The following RAPGEF4 variants were observed in gnomAD, a reference collection of about 807,000 sequenced individuals.
RAPGEF4 encodes the protein RAP guanine-nucleotide-exchange factor (GEF) 4.
Under a neutral mutation model 147.9 loss-of-function variants are expected in RAPGEF4, and 66 were observed. The observed-to-expected ratio is 0.45, with a 90% CI of 0.37 to 0.55. The LOEUF (loss-of-function observed/expected upper bound fraction) is 0.55, where lower values mean the gene tolerates loss of function less well. RAPGEF4 is among the 20% of genes least tolerant of loss of function. The pLI is 0.00. For synonymous variants in RAPGEF4, 419 were observed against 442.7 expected (o/e 0.95, Z 0.67); for missense variants, 1,071 against 1,257.3 (o/e 0.85, Z 2.24).
chr2:172,893,260 A>T (rs904492509), intron 4 of RAPGEF4, among the ~76,000 whole-genome samples: 2 of 152,240 alleles, frequency 1.3e-5, no homozygotes, highest in Non-Finnish European at 2.9e-5. Flanking sequence ...ATTAGATGAG[A>T]GGATGCCTGG....
At chr2:172,907,777 C>A (rs758410218) in intron 4 of RAPGEF4, among the ~76,000 whole-genome samples, 3 of 152,134 alleles carry the variant, frequency 2.0e-5, no homozygotes. Flanking sequence ...ATCAAATATA[C>A]TGGGGTTCAC....
chr2:173,016,900 A>G (rs1485088760), intron 19 of RAPGEF4, among the ~76,000 whole-genome samples: 1 of 152,230 alleles, frequency 6.6e-6, no homozygotes, highest in African/African-American at 2.4e-5. Context: ...GCAGTATCAG[A>G]GAGTGAGTGT....
rs138754058 is a variant in RAPGEF4, at chr2:172,877,418, A to C, written c.445-40384A>C. 9.6e-3 allele frequency among the ~76,000 whole-genome samples: 1,459 copies of C among 152,140 alleles called. 20 individuals are homozygous for C. Among genetic ancestry groups the C allele is most frequent in the African/African-American group, 0.032 (1,342 of 41,480 alleles). ...GCATTAGGAGAAATACCTCATGTAGATGATGGGTTGATGGGTGCAGCAAAC... is the reference window on the plus strand; with the variant it reads ...GCATTAGGAGAAATACCTCATGTAGCTGATGGGTTGATGGGTGCAGCAAAC... On this transcript the variant is annotated intron_variant, in intron 4 of 30. Transcript: ENST00000397081.
At chr2:172,832,871 C>G (rs1267280930) in intron 4 of RAPGEF4, among the ~76,000 whole-genome samples, 1 of 152,200 alleles carries the variant, frequency 6.6e-6, no homozygotes, top group Non-Finnish European at 1.5e-5. Flanking sequence ...AGAATTGGCT[C>G]TTGGTATCCA....
intron 29 of RAPGEF4, among the ~76,000 whole-genome samples, chr2:173,041,212 T>C (rs1684717861): frequency 6.6e-6 from 1 of 152,182 alleles, no homozygotes; most frequent in Non-Finnish European, 1.5e-5. Flanking sequence ...CCAATAATAT[T>C]ATTATAAGAT....
At chr2:172,759,451 G>A (rs566549667) in intron 1 of RAPGEF4, among the ~76,000 whole-genome samples, 3 of 152,238 alleles carry the variant, frequency 2.0e-5, no homozygotes, top group Admixed American at 6.5e-5. Context: ...AAATTAGGGT[G>A]TTATTTCTCC....
chr2:173,009,320 T>C (rs1030355980), intron 17 of RAPGEF4, among the ~76,000 whole-genome samples: 9 of 152,178 alleles, frequency 5.9e-5, no homozygotes, highest in African/African-American at 1.7e-4. Context: ...TTCCAAACAG[T>C]GCAAATAAAT....
intron 4 of RAPGEF4, among the ~76,000 whole-genome samples, chr2:172,857,173 C>T (rs571236029): frequency 3.7e-4 from 43 of 117,460 alleles, no homozygotes; most frequent in African/African-American, 1.1e-3. Context: ...CGTGTGCGCG[C>T]GCACACACAC....
chr2:172,951,093 A>G (rs189322906), intron 6 of RAPGEF4, among the ~76,000 whole-genome samples: 2 of 152,358 alleles, frequency 1.3e-5, no homozygotes, highest in East Asian at 3.9e-4. Context: ...CAAAGCACTG[A>G]TTTTGTGCAT....
chr2:172,872,252 C>T (rs923033217), intron 4 of RAPGEF4, among the ~76,000 whole-genome samples: 1 of 152,118 alleles, frequency 6.6e-6, no homozygotes, highest in African/African-American at 2.4e-5. Context: ...GTTAACAAAA[C>T]TCTTCAGAGG....
chr2:172,775,243 AG>A (rs1684052867), intron 1 of RAPGEF4, among the ~76,000 whole-genome samples: 1 of 152,180 alleles, frequency 6.6e-6, no homozygotes, highest in East Asian at 1.9e-4. Context: ...CCCCGTCTCT[AG>A]GTTTCTTATT....
intron 17 of RAPGEF4, 74 bp from the exon 18 acceptor site, chr2:173,014,390 T>C: frequency 6.3e-7 from 1 of 1,582,092 alleles, no homozygotes; most frequent in Admixed American, 1.7e-5. Context: ...CTGGGATCTG[T>C]CACTCTTTAC....
At chr2:172,790,745 A>C (rs533810164) in intron 1 of RAPGEF4, among the ~76,000 whole-genome samples, 1 of 152,198 alleles carries the variant, frequency 6.6e-6, no homozygotes, top group Non-Finnish European at 1.5e-5. Flanking sequence ...ATGTCTCAAC[A>C]TGTGCTTTGT....
At chr2:172,918,724 G>C (rs377175390) in intron 5 of RAPGEF4, among the ~76,000 whole-genome samples, 1 of 152,148 alleles carries the variant, frequency 6.6e-6, no homozygotes, top group Admixed American at 6.5e-5. Context: ...TCCTTATGAA[G>C]CTCTTGTGTG....
rs1446060435 is a variant in RAPGEF4, at chr2:172,795,004, G to C, written c.66-21G>C. 4.4e-6 allele frequency: 7 copies of C among 1,587,764 alleles called. No homozygotes were observed. In the East Asian group the frequency reaches 1.6e-4, roughly 36 times the overall value. On this transcript the variant is annotated intron_variant, in intron 1 of 30. Coordinates refer to ENST00000397081, the MANE Select transcript of RAPGEF4 (RefSeq NM_007023.4). ...GTAAATCTTTACTGACATAGCTTTT[G>C]TGCCTTTTCTCCCTATACAGACCAC...
intron 3 of RAPGEF4, among the ~76,000 whole-genome samples, chr2:172,803,419 C>T (rs1687167441): frequency 6.6e-6 from 1 of 152,214 alleles, no homozygotes; most frequent in Non-Finnish European, 1.5e-5. Context: ...CGAGCTGTAC[C>T]ATGGCCCCTT....
At chr2:172,947,672 T>C (rs921215667) in intron 6 of RAPGEF4, among the ~76,000 whole-genome samples, 1 of 152,230 alleles carries the variant, frequency 6.6e-6, no homozygotes, top group Admixed American at 6.5e-5. Flanking sequence ...TCAAATGTTT[T>C]TATAAACTTC....
At chr2:173,049,878 G>A (rs965388470) in intron 30 of RAPGEF4, among the ~76,000 whole-genome samples, 1 of 152,194 alleles carries the variant, frequency 6.6e-6, no homozygotes, top group Non-Finnish European at 1.5e-5. Context: ...GTGGAAACAA[G>A]AATAGATAAG....
At chr2:172,763,795 ATAT>A (rs1481457046) in intron 1 of RAPGEF4, among the ~76,000 whole-genome samples, 2 of 152,180 alleles carry the variant, frequency 1.3e-5, no homozygotes, top group Non-Finnish European at 2.9e-5. Flanking sequence ...TGCAATGAAA[ATAT>A]TATCTAGTTT....
Sources: gnomAD v4.1 joint callset for allele counts (sites outside exome capture counted in the v4.1 genomes callset) on GRCh38, gnomAD v4.1.1 for gene constraint, MANE v1.5 for transcripts, NCBI Gene and HGNC (gene_info 2026-07-23, HGNC 2026-07-21) for gene names.